LASP1: variants seen among roughly 807,000 people sequenced by gnomAD.
LASP1 encodes the protein LIM and SH3 protein 1.
Under a neutral mutation model 38.6 loss-of-function variants are expected in LASP1, and 10 were observed. The ratio of observed to expected loss-of-function variants is 0.26; its 90% CI spans 0.16 to 0.44. The LOEUF is 0.44. LASP1 is among the 20% of genes least tolerant of loss of function. The pLI is 1.00. For missense variants in LASP1, 243 were observed against 375.7 expected, an observed-to-expected ratio of 0.65 and a Z score of 2.92; for synonymous variants, 132 against 140.8, an observed-to-expected ratio of 0.94 and a Z score of 0.44.
In LASP1 at chr17:38,919,940, G is replaced by A; in HGVS notation, c.*1162G>A. The A allele has an allele frequency of 1.9e-6, 1 of 533,820 alleles. No homozygotes were observed. Among genetic ancestry groups the A allele is most frequent in the South Asian group, 1.5e-5 (1 of 65,050 alleles). The allele number at this position is 533,820 out of a possible 1,614,324, so 33.1% of individuals were successfully genotyped here. Reference sequence around the variant, plus strand: ...TGTCTCTGGGCCTGTGTGTGGGTGGGGTTATGTGAGGGTATGAAGAGCTGT... The same window carrying A: ...TGTCTCTGGGCCTGTGTGTGGGTGGAGTTATGTGAGGGTATGAAGAGCTGT... On this transcript the variant is annotated 3_prime_UTR_variant, in exon 7 of 7. Transcript: ENST00000318008.
chr17:38,895,739 A>G (rs1914469011), intron 3 of LASP1, among the ~76,000 whole-genome samples: 1 of 152,156 alleles, frequency 6.6e-6, no homozygotes, highest in South Asian at 2.1e-4. Context: ...TGATCCAACA[A>G]ATGTTGATCT....
At position 38,920,536 on chromosome 17, in the gene LASP1, T is replaced by G; in HGVS notation, c.*1758T>G. On this transcript the variant is annotated 3_prime_UTR_variant, in exon 7 of 7. Coordinates refer to ENST00000318008, the MANE Select transcript of LASP1 (RefSeq NM_006148.4). ...CCTGAGCCCAACCAGGCCCTGCCAT[T>G]GGCCTCTTGTCCCTTGGCACACTTG... 1 of 257,064 alleles carries G rather than the reference T, an allele frequency of 3.9e-6. No individual in the cohort carries two copies. Among genetic ancestry groups the G allele is most frequent in the South Asian group, 1.2e-4 (1 of 8,112 alleles). The allele number at this position is 257,064 out of a possible 1,614,324, so 15.9% of individuals were successfully genotyped here.
At chr17:38,888,515 T>A (rs1914212753) in intron 2 of LASP1, among the ~76,000 whole-genome samples, 1 of 152,204 alleles carries the variant, frequency 6.6e-6, no homozygotes, top group African/African-American at 2.4e-5. Context: ...TGGCCTCAAG[T>A]GATCCACCTG....
intron 2 of LASP1, among the ~76,000 whole-genome samples, chr17:38,886,401 G>T (rs767766825): frequency 9.9e-5 from 15 of 152,146 alleles, no homozygotes; most frequent in Admixed American, 3.3e-4. Context: ...GGCTTAGTGG[G>T]CAGGGGAAGG....
intron 3 of LASP1, among the ~76,000 whole-genome samples, chr17:38,892,883 G>A (rs1235075881): frequency 6.6e-6 from 1 of 152,022 alleles, no homozygotes; most frequent in African/African-American, 2.4e-5. Flanking sequence ...GTTCCCGGGG[G>A]GGCCTCTTGG....
intron 3 of LASP1, among the ~76,000 whole-genome samples, chr17:38,892,839 G>C (rs1454363834): frequency 2.6e-5 from 4 of 152,230 alleles, no homozygotes; most frequent in Non-Finnish European, 4.4e-5. Context: ...TCCCTGGCCT[G>C]TGCCCCCTGC....
At chr17:38,894,653 C>T (rs1286328601) in intron 3 of LASP1, among the ~76,000 whole-genome samples, 1 of 152,152 alleles carries the variant, frequency 6.6e-6, no homozygotes, top group African/African-American at 2.4e-5. Flanking sequence ...CTGGGAAATA[C>T]ACACAGCAAC....
chr17:38,898,548 C>T (rs1338153352), intron 4 of LASP1, 29 bp downstream of exon 4: 2 of 1,467,444 alleles, frequency 1.4e-6, no homozygotes, highest in Non-Finnish European at 1.9e-6. Context: ...CTGCGGCATC[C>T]CTGCTGCCCT....
chr17:38,891,733 A>G (rs1041104273), intron 3 of LASP1, among the ~76,000 whole-genome samples: 2 of 152,234 alleles, frequency 1.3e-5, no homozygotes, highest in Admixed American at 6.5e-5. Flanking sequence ...CCCAGGGACT[A>G]TCCACTCCCC....
intron 4 of LASP1, among the ~76,000 whole-genome samples, chr17:38,900,197 C>CAAAAA (rs56008544): frequency 3.1e-4 from 21 of 67,546 alleles, no homozygotes; most frequent in East Asian, 4.6e-4. Context: ...ACTGTTTCTA[C>CAAAAA]AAAAAAAAAA....
intron 3 of LASP1, among the ~76,000 whole-genome samples, chr17:38,896,415 CCCCTACCCT>C (rs1211561295): frequency 6.6e-6 from 1 of 152,202 alleles, no homozygotes. Flanking sequence ...CTACCCCTCA[CCCCTACCCT>C]CTGTGGGCCT....
intron 4 of LASP1, among the ~76,000 whole-genome samples, chr17:38,906,364 C>T (rs996530911): frequency 6.6e-6 from 1 of 151,560 alleles, no homozygotes; most frequent in Non-Finnish European, 1.5e-5. Context: ...CCCGCGTCCA[C>T]TAAAAATAGA....
At chr17:38,898,390 C>G (rs1914548404) in intron 3 of LASP1, 22 bp from the exon 4 acceptor site, 1 of 1,526,238 alleles carries the variant, frequency 6.6e-7, no homozygotes, top group Non-Finnish European at 8.9e-7. Context: ...TGACTCCAAT[C>G]CCTCTTCCTC....
intron 1 of LASP1, among the ~76,000 whole-genome samples, chr17:38,871,829 G>A (rs546174494): frequency 6.6e-6 from 1 of 152,214 alleles, no homozygotes; most frequent in Admixed American, 6.5e-5. Flanking sequence ...GAAAGTTGTT[G>A]ATCTCCCCAT....
intron 5 of LASP1, among the ~76,000 whole-genome samples, chr17:38,914,702 ACACACAC>A (rs1915060210): frequency 6.6e-6 from 1 of 151,958 alleles, no homozygotes; most frequent in African/African-American, 2.4e-5. Context: ...ACACACACAC[ACACACAC>A]ACACATGCAC....
At position 38,919,964 on chromosome 17, in the gene LASP1, G is replaced by A. The variant is rs1360460544; in HGVS notation, c.*1186G>A. On this transcript the variant is annotated 3_prime_UTR_variant, in exon 7 of 7. Transcript: ENST00000318008. ...GGGTTATGTGAGGGTATGAAGAGCT[G>A]TCTTCCCCTGAGAGTTTCCTCAGAA... The A allele has an allele frequency of 2.1e-5, 11 of 534,880 alleles. No homozygotes were observed. The highest frequency in any genetic ancestry group is 7.7e-5 in the South Asian group (5 of 65,174). 33.1% of individuals were successfully genotyped at this position (534,880 alleles called of 1,614,324 possible).
rs765000625 is a variant in LASP1 at position 38,918,740 on chromosome 17, A to T, written c.748A>T (p.Thr250Ser). 1 of 1,614,114 alleles carries T rather than the reference A, an allele frequency of 6.2e-7. No individual in the cohort carries two copies. The highest frequency in any genetic ancestry group is 1.7e-5 in the Admixed American group (1 of 60,026). The change falls in exon 7 of 7, where the codon ACG becomes TCG. Residue 250 changes from threonine to serine, a missense_variant. By Grantham distance (58) the Thr-to-Ser change is moderately conservative. This residue lies in a region of LASP1 where 165 missense variants were observed against 210.3 expected (regional missense o/e 0.78). Coordinates refer to ENST00000318008, the MANE Select transcript of LASP1 (RefSeq NM_006148.4). The surrounding 1 kb of genome is among the most constrained non-coding windows in gnomAD (Gnocchi z 4.4). ...CGGGACGGTGGAGCGCACCGGCGACACGGGGATGCTGCCGGCCAACTACGT... is the reference window on the plus strand; with the variant it reads ...CGGGACGGTGGAGCGCACCGGCGACTCGGGGATGCTGCCGGCCAACTACGT... ...MYGTVERTGD[T>S]GMLPANYVEA...
chr17:38,878,005 C>T (rs1913830193), intron 1 of LASP1, 81 bp from the exon 2 acceptor site: 1 of 1,017,962 alleles, frequency 9.8e-7, no homozygotes, highest in African/African-American at 1.6e-5. Flanking sequence ...CCAGCAGCTC[C>T]TGAGTGCCCC....
chr17:38,907,537 C>T (rs1030982304), intron 4 of LASP1, among the ~76,000 whole-genome samples: 4 of 152,128 alleles, frequency 2.6e-5, no homozygotes, highest in African/African-American at 7.2e-5. Flanking sequence ...GCCTCATGTT[C>T]CTCTTCTGGA....
Sources: allele counts gnomAD v4.1 joint callset (sites outside exome capture counted in the v4.1 genomes callset), GRCh38; gene constraint gnomAD v4.1.1; regional missense constraint gnomAD v4.1.1; non-coding constraint Gnocchi (gnomAD v3.1); transcripts MANE v1.5; gene names NCBI Gene and HGNC (gene_info 2026-07-23, HGNC 2026-07-21).